Variants in ROBO1 observed in about 807,000 individuals in gnomAD.
The protein encoded by ROBO1 is roundabout guidance receptor 1, also known as roundabout homolog 1.
A neutral mutation model predicts 195.9 loss-of-function variants in ROBO1; 149 were observed. The observed-to-expected ratio is 0.76, with a 90% CI of 0.67 to 0.87. The LOEUF is 0.87. Among genes scored for constraint, ROBO1 ranks in the 40% least tolerant of loss-of-function variants. The probability of loss-of-function intolerance (pLI) is 0.00; values close to 1 mark genes in which losing one functional copy is unlikely to be tolerated. For missense variants in ROBO1, 1,933 were observed against 2,068.3 expected (o/e 0.93, Z 1.27); for synonymous variants, 816 against 733.2 (o/e 1.11, Z -1.82).
chr3:79,286,744 T>G (rs576349701), intron 2 of ROBO1, among the ~76,000 whole-genome samples: 1 of 152,154 alleles, frequency 6.6e-6, no homozygotes, highest in African/African-American at 2.4e-5. Context: ...AATGAATATG[T>G]ATATATAAAA....
At chr3:79,710,663 T>C (rs6799982) in intron 1 of ROBO1, among the ~76,000 whole-genome samples, 43,039 of 152,014 alleles carry the variant, frequency 0.28, 7,641 homozygotes, top group East Asian at 0.57. Flanking sequence ...ACTACAGTAA[T>C]AGTGTTTGTG....
At chr3:78,772,063 A>ATT (rs2083389653) in intron 4 of ROBO1, among the ~76,000 whole-genome samples, 1 of 152,186 alleles carries the variant, frequency 6.6e-6, no homozygotes, top group African/African-American at 2.4e-5. Context: ...GACAAAAACC[A>ATT]TATACAAACA....
intron 2 of ROBO1, among the ~76,000 whole-genome samples, chr3:79,447,125 G>C (rs1010537067): frequency 6.6e-6 from 1 of 151,974 alleles, no homozygotes; most frequent in Non-Finnish European, 1.5e-5. Context: ...CACCATGCGC[G>C]GCCCAAAATG....
At chr3:78,998,483 T>G (rs1237947932) in intron 3 of ROBO1, among the ~76,000 whole-genome samples, 1 of 152,128 alleles carries the variant, frequency 6.6e-6, no homozygotes, top group African/African-American at 2.4e-5. Context: ...ATTTCAGGCA[T>G]TGCATTTCAT....
chr3:79,565,555 A>G (rs1943063125), intron 2 of ROBO1, among the ~76,000 whole-genome samples: 1 of 152,108 alleles, frequency 6.6e-6, no homozygotes, highest in African/African-American at 2.4e-5. Flanking sequence ...AATAACTCTC[A>G]GTCAATACAT....
chr3:78,617,033 C>A (rs1215982344), intron 27 of ROBO1, among the ~76,000 whole-genome samples: 1 of 152,068 alleles, frequency 6.6e-6, no homozygotes, highest in Non-Finnish European at 1.5e-5. Context: ...AAGTATGGAA[C>A]GTTTATGCTT....
intron 2 of ROBO1, among the ~76,000 whole-genome samples, chr3:79,350,717 C>T (rs887903834): frequency 7.9e-5 from 12 of 152,016 alleles, no homozygotes; most frequent in East Asian, 3.9e-4. Context: ...TTCATTTCTA[C>T]GAAGGGTTCA....
At chr3:79,045,885 A>G (rs557366157) in intron 3 of ROBO1, among the ~76,000 whole-genome samples, 3 of 152,034 alleles carry the variant, frequency 2.0e-5, no homozygotes, top group Admixed American at 6.5e-5. Flanking sequence ...AATTTTGATG[A>G]GGAAAAAGTT....
At chr3:79,413,587 G>T (rs2037871838) in intron 2 of ROBO1, among the ~76,000 whole-genome samples, 1 of 152,092 alleles carries the variant, frequency 6.6e-6, no homozygotes, top group Admixed American at 6.6e-5. Flanking sequence ...GGAGAAGCTA[G>T]AAATTGCAAT....
At chr3:79,477,472 T>C (rs939015254) in intron 2 of ROBO1, among the ~76,000 whole-genome samples, 1 of 152,114 alleles carries the variant, frequency 6.6e-6, no homozygotes, top group Non-Finnish European at 1.5e-5. Flanking sequence ...GTTTTCTTTT[T>C]TATTAGGTGC....
At position 78,639,877 on chromosome 3, in the gene ROBO1, A is replaced by C. The variant is rs2107558782; in HGVS notation, c.2904T>G (p.Ser968Arg). Residue 968 changes from serine to arginine, a missense_variant, in exon 22 of 31, where the codon AGT becomes AGG. Around this residue, in one of 3 missense-constraint regions of ROBO1, gnomAD observed 1,737 missense variants for 1,882.5 expected, o/e 0.92. Transcript: ENST00000464233. ...SGGRPGLLNI[S>R]EPAAQPWLAD... ...CCAGCCATGGCTGCGCGGCAGGTTC[A>C]CTGATGTTGAGAAGTCCAGGCCTAA... The C allele has an allele frequency of 6.2e-7, 1 of 1,604,656 alleles. No homozygotes were observed. The highest frequency in any genetic ancestry group is 1.1e-5 in the South Asian group (1 of 90,016).
intron 2 of ROBO1, among the ~76,000 whole-genome samples, chr3:79,585,165 T>C (rs9876238): frequency 0.53 from 80,330 of 151,430 alleles, 21,698 homozygotes; most frequent in African/African-American, 0.63. Flanking sequence ...TTGTCTAAGG[T>C]TTCTGTAAGT....
At chr3:79,548,565 A>T (rs1942359551) in intron 2 of ROBO1, among the ~76,000 whole-genome samples, 1 of 152,240 alleles carries the variant, frequency 6.6e-6, no homozygotes, top group Non-Finnish European at 1.5e-5. Flanking sequence ...TCTGGTAGGA[A>T]ATAATACATT....
At chr3:79,295,868 T>A (rs2032565219) in intron 2 of ROBO1, among the ~76,000 whole-genome samples, 1 of 152,094 alleles carries the variant, frequency 6.6e-6, no homozygotes, top group Non-Finnish European at 1.5e-5. Context: ...AAACAATAAT[T>A]AAAAAAGAAC....
At chr3:78,994,163 C>T (rs960097861) in intron 3 of ROBO1, among the ~76,000 whole-genome samples, 1 of 152,146 alleles carries the variant, frequency 6.6e-6, no homozygotes, top group Non-Finnish European at 1.5e-5. Context: ...TAAAAGGAAG[C>T]TTTCGCCTTT....
chr3:78,810,706 C>T (rs1035959582), intron 4 of ROBO1, among the ~76,000 whole-genome samples: 3 of 151,872 alleles, frequency 2.0e-5, no homozygotes, highest in Non-Finnish European at 4.4e-5. Context: ...AAAATTTTCA[C>T]ACTATCCTAG....
chr3:78,771,994 G>C (rs1308706878), intron 4 of ROBO1, among the ~76,000 whole-genome samples: 1 of 151,772 alleles, frequency 6.6e-6, no homozygotes, highest in African/African-American at 2.4e-5. Flanking sequence ...ATATTACATA[G>C]GCATTAAATA....
rs371960306 is a variant in ROBO1 at position 78,751,441 on chromosome 3, T to C, written c.500-4541A>G. Among the ~76,000 whole-genome samples, 5 of 152,200 alleles carry C rather than the reference T, an allele frequency of 3.3e-5. No homozygotes were observed. In the East Asian group the frequency reaches 9.7e-4, roughly 29 times the overall value. On this transcript the variant is annotated intron_variant, in intron 4 of 30. Transcript: ENST00000464233. ...TAACAAGTCTATGACAAAGTGAATGTATTGGTTTTGATTCACAGGTGAGGA... is the reference window on the plus strand; with the variant it reads ...TAACAAGTCTATGACAAAGTGAATGCATTGGTTTTGATTCACAGGTGAGGA...
At chr3:79,091,076 C>T (rs922103734) in intron 3 of ROBO1, among the ~76,000 whole-genome samples, 3 of 152,044 alleles carry the variant, frequency 2.0e-5, no homozygotes, top group East Asian at 1.9e-4. Context: ...CTTCAGATTT[C>T]GAGTACAGTA....
Sources: gnomAD v4.1 joint callset for allele counts (sites outside exome capture counted in the v4.1 genomes callset) on GRCh38, gnomAD v4.1.1 for gene constraint, gnomAD v4.1.1 regional missense constraint, MANE v1.5 for transcripts, NCBI Gene and HGNC (gene_info 2026-07-23, HGNC 2026-07-21) for gene names.